The following PRSS23 variants were observed in gnomAD, a reference collection of about 807,000 sequenced individuals.
PRSS23 encodes serine protease 23, also known as protease, serine 23.
In PRSS23, 25 loss-of-function variants were observed where a neutral mutation model predicts 34.7. That is an observed-to-expected ratio of 0.72 (90% CI 0.53 to 1.01). The LOEUF is 1.01. Ranked by LOEUF, PRSS23 falls within the 50% of genes least tolerant of loss-of-function variation. The probability of loss-of-function intolerance (pLI) is 0.00; values close to 1 mark genes in which losing one functional copy is unlikely to be tolerated. For missense variants in PRSS23, 445 were observed against 475.6 expected (o/e 0.94, Z 0.60); for synonymous variants, 176 against 186.6 (o/e 0.94, Z 0.46).
At chr11:86,824,398 A>G (rs1948282143) in intron 2 of PRSS23, among the ~76,000 whole-genome samples, 1 of 144,906 alleles carries the variant, frequency 6.9e-6, no homozygotes, top group Admixed American at 6.9e-5. Context: ...AAAATGGAGG[A>G]AAGTAAGAAC....
rs185487988 is a variant in PRSS23 at position 86,885,139 on chromosome 11, T to A, written c.206+61546T>A. On this transcript the variant is annotated intron_variant, in intron 2 of 2. Transcript: ENST00000533902. The stretch of plus-strand genomic sequence containing the variant: ...AAAATAAGTATTCGGTGATTAAATC[T>A]CCATTGTTCAGTACCCTACCACATA... Among the ~76,000 whole-genome samples, 549 of 152,348 alleles carry A rather than the reference T, an allele frequency of 3.6e-3. 3 individuals are homozygous for A. Among genetic ancestry groups the A allele is most frequent in the Admixed American group, 6.8e-3 (104 of 15,304 alleles).
chr11:86,818,681 A>T (rs1452451293), intron 1 of PRSS23, among the ~76,000 whole-genome samples: 1 of 152,072 alleles, frequency 6.6e-6, no homozygotes, highest in Non-Finnish European at 1.5e-5. Flanking sequence ...TGGTTTATTT[A>T]ACTTATGACT....
At chr11:86,945,332 A>G (rs1012576761) in intron 2 of PRSS23, among the ~76,000 whole-genome samples, 3 of 151,722 alleles carry the variant, frequency 2.0e-5, no homozygotes, top group Middle Eastern at 3.2e-3. Context: ...TGGGGCTTGA[A>G]AGGCAAAGAC....
At chr11:86,833,385 C>G (rs879037775) in intron 2 of PRSS23, 3 of 691,606 alleles carry the variant, frequency 4.3e-6, no homozygotes, top group African/African-American at 3.6e-5. Flanking sequence ...CAGCGAGGGC[C>G]AGCTGCAGTT....
intron 2 of PRSS23, among the ~76,000 whole-genome samples, chr11:86,844,987 G>C (rs766673157): frequency 5.3e-5 from 8 of 151,988 alleles, no homozygotes. Context: ...TACTCAGGAG[G>C]CTGAGCAAAC....
intron 2 of PRSS23, chr11:86,837,084 A>T (rs562548094): frequency 6.6e-6 from 1 of 152,358 alleles, no homozygotes; most frequent in South Asian, 2.1e-4. Context: ...GAACCAGATC[A>T]TCATATATAA....
intron 2 of PRSS23, chr11:86,950,871 C>T: frequency 9.7e-6 from 5 of 515,186 alleles, no homozygotes; most frequent in Non-Finnish European, 1.8e-5. Context: ...CTCCAAGCTG[C>T]AACCTGCTAA....
rs1948144558 is a variant in PRSS23, at chr11:86,808,930, A to AC, written c.*137dup. 4 of 743,758 alleles carry AC rather than the reference A, an allele frequency of 5.4e-6. No homozygotes were observed. Among genetic ancestry groups the AC allele is most frequent in the Non-Finnish European group, 8.7e-6 (4 of 462,390 alleles). The allele number at this position is 743,758 out of a possible 1,614,324, so 46.1% of individuals were successfully genotyped here. On this transcript the variant is annotated 3_prime_UTR_variant, in exon 2 of 2. Coordinates refer to ENST00000280258, the MANE Select transcript of PRSS23 (RefSeq NM_007173.6). ...TGTGTAAGGTGTCTTATAATCTTTTACCTATTTCTTACAATTGCAAGATGA... is the reference window on the plus strand; with the variant it reads ...TGTGTAAGGTGTCTTATAATCTTTTACCCTATTTCTTACAATTGCAAGATGA...
At chr11:86,826,294 G>T (rs1292209138) in intron 2 of PRSS23, among the ~76,000 whole-genome samples, 1 of 151,686 alleles carries the variant, frequency 6.6e-6, no homozygotes, top group Non-Finnish European at 1.5e-5. Flanking sequence ...CTCTCTGTTT[G>T]TCTGTTATTT....
intron 2 of PRSS23, among the ~76,000 whole-genome samples, chr11:86,903,155 C>G (rs1467032306): frequency 6.6e-6 from 1 of 151,896 alleles, no homozygotes; most frequent in Non-Finnish European, 1.5e-5. Flanking sequence ...TTTTTCTTTC[C>G]CCTCCCCACT....
chr11:86,952,325 T>C (rs1378813393), exon 3 of PRSS23: 1 of 1,614,208 alleles, frequency 6.2e-7, no homozygotes, highest in Admixed American at 1.7e-5. Flanking sequence ...TTTGCTGCAG[T>C]TCAGACTCTC....
chr11:86,808,956 C>G lies in PRSS23; in HGVS notation c.*161C>G. On this transcript the variant is annotated 3_prime_UTR_variant, in exon 2 of 2. Coordinates refer to ENST00000280258, the MANE Select transcript of PRSS23 (RefSeq NM_007173.6). ...CCTATTTCTTACAATTGCAAGATGA[C>G]TGGCTTTACTATTTGAAAACTGGTT... 1.6e-6 allele frequency: 1 copy of G among 629,236 alleles called. No individual in the cohort carries two copies. The highest frequency in any genetic ancestry group is 2.7e-6 in the Non-Finnish European group (1 of 370,458). The allele number at this position is 629,236 out of a possible 1,614,324, so 39.0% of individuals were successfully genotyped here.
At position 86,927,505 on chromosome 11, in the gene PRSS23, T is replaced by A. The variant is rs148661528; in HGVS notation, c.207-23711T>A. ...GCTAAGATTTTACCTTCTCATTTTT[T>A]AAATTTTTTTTTAGATTTTAAAAAT... On this transcript the variant is annotated intron_variant, in intron 2 of 2. Coordinates refer to the PRSS23 transcript ENST00000533902. Among the ~76,000 whole-genome samples, 528 of 152,250 alleles carry A rather than the reference T, an allele frequency of 3.5e-3. 3 individuals are homozygous for A. The highest frequency in any genetic ancestry group is 0.012 in the African/African-American group (504 of 41,554).
intron 2 of PRSS23, among the ~76,000 whole-genome samples, chr11:86,943,626 A>G (rs1949220763): frequency 6.6e-6 from 1 of 151,770 alleles, no homozygotes; most frequent in Admixed American, 6.6e-5. Flanking sequence ...TCCATCTCAA[A>G]AAAATAAAAT....
At chr11:86,850,650 C>T (rs1948522088) in intron 2 of PRSS23, among the ~76,000 whole-genome samples, 1 of 152,160 alleles carries the variant, frequency 6.6e-6, no homozygotes. Flanking sequence ...CTCTCCCTTC[C>T]CCCTCCCCTG....
chr11:86,811,114 C>T lies in PRSS23; in HGVS notation c.*2319C>T, dbSNP rs1395632951. ...AGAGGAAGATGCCTCTCCATTTTCC[C>T]TCTCTTTATCAGAGGTTCACATGCC... On this transcript the variant is annotated 3_prime_UTR_variant, in exon 2 of 2. Coordinates refer to ENST00000280258, the MANE Select transcript of PRSS23 (RefSeq NM_007173.6). The T allele has an allele frequency of 6.0e-6, 1 of 167,096 alleles. No individual in the cohort carries two copies. Among genetic ancestry groups the T allele is most frequent in the African/African-American group, 2.4e-5 (1 of 41,470 alleles). 10.4% of individuals were successfully genotyped at this position (167,096 alleles called of 1,614,324 possible).
chr11:86,823,462 A>G (rs928128477), exon 2 of PRSS23: 10 of 702,310 alleles, frequency 1.4e-5, no homozygotes, highest in African/African-American at 1.0e-4. Flanking sequence ...GAGAGGGCTC[A>G]ACAGTTTCGA....
rs1590900991 is a variant in PRSS23 at position 86,863,884 on chromosome 11, T to C, written c.206+40291T>C. 2.6e-5 allele frequency among the ~76,000 whole-genome samples: 4 copies of C among 152,356 alleles called. 1 individual carries two copies. The highest frequency in any genetic ancestry group is 6.8e-3 in the Middle Eastern group (2 of 294). On this transcript the variant is annotated intron_variant, in intron 2 of 2. Coordinates refer to the PRSS23 transcript ENST00000533902. ...TGCATTGTAATTCTCTAATTCTGCA[T>C]TGTGTTGCAATGCTTGACACAAATG...
chr11:86,926,461 A>C (rs1184838341), intron 2 of PRSS23, among the ~76,000 whole-genome samples: 1 of 152,194 alleles, frequency 6.6e-6, no homozygotes, highest in East Asian at 1.9e-4. Flanking sequence ...CAGTTGCAAG[A>C]CCCACCTGAA....
Sources: allele counts gnomAD v4.1 joint callset (sites outside exome capture counted in the v4.1 genomes callset), GRCh38; gene constraint gnomAD v4.1.1; transcripts MANE v1.5; gene names NCBI Gene and HGNC (gene_info 2026-07-23, HGNC 2026-07-21).